The following GARRE1 variants were observed in gnomAD, a reference collection of about 807,000 sequenced individuals.
The protein encoded by GARRE1 is granule associated Rac and RHOG effector 1.
A neutral mutation model predicts 103.2 loss-of-function variants in GARRE1; 49 were observed. That is an observed-to-expected ratio of 0.47 (90% CI 0.38 to 0.60). The LOEUF is 0.60. GARRE1 is among the 20% of genes least tolerant of loss of function. The probability of loss-of-function intolerance (pLI) is 0.00; values close to 1 mark genes in which losing one functional copy is unlikely to be tolerated. For synonymous variants in GARRE1, 505 were observed against 532.8 expected (o/e 0.95, Z 0.72); for missense variants, 1,199 against 1,370.5 (o/e 0.87, Z 1.98).
chr19:34,299,400 C>T (rs139327182), intron 1 of GARRE1, among the ~76,000 whole-genome samples: 12 of 152,266 alleles, frequency 7.9e-5, no homozygotes, highest in East Asian at 3.9e-4. Context: ...AAATGCTGAA[C>T]GTGGATCCAG....
At chr19:34,331,788 G>A (rs1487987112) in intron 7 of GARRE1, among the ~76,000 whole-genome samples, 3 of 152,152 alleles carry the variant, frequency 2.0e-5, no homozygotes, top group Non-Finnish European at 4.4e-5. Context: ...GAGGTCAGGA[G>A]TTCAAGACCA....
In GARRE1 at chr19:34,300,896, G is replaced by T; in HGVS notation, c.423G>T (p.Lys141Asn). Residue 141 changes from lysine to asparagine, a missense_variant, in exon 2 of 14, where the codon AAG becomes AAT. Lys to Asn is a moderately conservative substitution (Grantham distance 94). Transcript: ENST00000299505. The part of the protein sequence containing the change: ...LTSAIKPEIA[K>N]MLMELSAGAA... ...CGGCCATAAAGCCTGAGATCGCCAA[G>T]ATGCTAATGGAACTTAGTGCTGGGG... 1 of 1,610,266 alleles carries T rather than the reference G, an allele frequency of 6.2e-7. No homozygotes were observed. Among genetic ancestry groups the T allele is most frequent in the Non-Finnish European group, 8.5e-7 (1 of 1,180,024 alleles).
At chr19:34,296,102 T>G (rs757909082) in intron 1 of GARRE1, among the ~76,000 whole-genome samples, 1 of 152,102 alleles carries the variant, frequency 6.6e-6, no homozygotes, top group Non-Finnish European at 1.5e-5. Context: ...AATATTACTT[T>G]TACAACATTT....
chr19:34,297,844 A>C (rs2073955445), intron 1 of GARRE1, among the ~76,000 whole-genome samples: 1 of 152,172 alleles, frequency 6.6e-6, no homozygotes, highest in African/African-American at 2.4e-5. Context: ...ATTTTTTTTA[A>C]AGAGCTCAAA....
intron 1 of GARRE1, among the ~76,000 whole-genome samples, chr19:34,269,251 G>A (rs933752297): frequency 1.3e-5 from 2 of 152,202 alleles, no homozygotes; most frequent in African/African-American, 2.4e-5. Context: ...GGATCACCAC[G>A]TGGAAGCAGG....
intron 1 of GARRE1, among the ~76,000 whole-genome samples, chr19:34,263,224 A>G (rs1317096695): frequency 3.3e-5 from 5 of 151,388 alleles, no homozygotes; most frequent in Admixed American, 6.6e-5. Flanking sequence ...AAAAATAAAT[A>G]AATAAAAATA....
chr19:34,309,024 A>T (rs2074024593), intron 2 of GARRE1, among the ~76,000 whole-genome samples: 1 of 152,112 alleles, frequency 6.6e-6, no homozygotes, highest in South Asian at 2.1e-4. Flanking sequence ...GATGTGCTGC[A>T]GCAAGAACCG....
At chr19:34,338,460 C>T (rs1411236050) in intron 8 of GARRE1, among the ~76,000 whole-genome samples, 1 of 152,100 alleles carries the variant, frequency 6.6e-6, no homozygotes, top group Non-Finnish European at 1.5e-5. Context: ...TCGCTTGAGC[C>T]CAGGAGGTCG....
intron 2 of GARRE1, among the ~76,000 whole-genome samples, chr19:34,301,441 G>C (rs1483141077): frequency 1.4e-5 from 2 of 147,884 alleles, no homozygotes; most frequent in African/African-American, 5.0e-5. Flanking sequence ...TTGAGCCCAG[G>C]AGTTTGAGGC....
chr19:34,349,092 G>A lies in GARRE1; in HGVS notation c.2764G>A (p.Gly922Arg), dbSNP rs569731049. 29 of 1,612,802 alleles carry A rather than the reference G, an allele frequency of 1.8e-5. No homozygotes were observed. The East Asian group carries it at 4.5e-4, about 25-fold the overall frequency. ...SSSDETSSAN[G>R]DSLFSMFSGP... ...GAGTGATGAGACATCCTCAGCCAAC[G>A]GGGACAGCTTGTTCTCCATGTTTTC... is the stretch of plus-strand genomic sequence containing the variant. The change falls in exon 12 of 14, where the codon GGG becomes AGG. Residue 922 changes from glycine to arginine, a missense_variant. Coordinates refer to ENST00000299505, the MANE Select transcript of GARRE1 (RefSeq NM_014686.5).
intron 1 of GARRE1, among the ~76,000 whole-genome samples, chr19:34,271,193 G>A (rs2073784932): frequency 6.6e-6 from 1 of 150,406 alleles, no homozygotes; most frequent in South Asian, 2.1e-4. Context: ...CTTAGAGTAT[G>A]CTGTGCTCTA....
At position 34,300,589 on chromosome 19, in the gene GARRE1, G is replaced by A. The variant is rs371396471; in HGVS notation, c.116G>A (p.Arg39Gln). Residue 39 changes from arginine (R) to glutamine (Q), a missense_variant, in exon 2 of 14, where the codon CGA becomes CAA. Arg to Gln is a conservative substitution (Grantham distance 43, BLOSUM62 1). Transcript: ENST00000299505. The stretch of plus-strand genomic sequence containing the variant: ...CAATACCCGATGCCTGAGCTGGGCC[G>A]AGCACTGAGTGCTCCCCTGGCATCC... The part of the protein sequence containing the change: ...HQQYPMPELG[R>Q]ALSAPLASTA... 1.3e-4 allele frequency: 212 copies of A among 1,613,260 alleles called. No homozygotes were observed. The highest frequency in any genetic ancestry group is 5.7e-4 in the African/African-American group (43 of 74,942).
In GARRE1 at chr19:34,335,544, G is replaced by A. The variant is rs2074156958; in HGVS notation, c.1361+1743G>A. 2.0e-5 allele frequency among the ~76,000 whole-genome samples: 3 copies of A among 152,008 alleles called. No individual in the cohort carries two copies. In the South Asian group the frequency reaches 6.2e-4, roughly 32 times the overall value. ...TTTAAACCATTTGTTCTTTTTTTTC[G>A]AGACAGAATCTCGGTCTGTCGCCCA... On this transcript the variant is annotated intron_variant, in intron 8 of 13. Coordinates refer to ENST00000299505, the MANE Select transcript of GARRE1 (RefSeq NM_014686.5).
intron 1 of GARRE1, 114 bp downstream of exon 1, chr19:34,254,728 G>C (rs1372034719): frequency 6.8e-6 from 1 of 147,592 alleles, no homozygotes; most frequent in Non-Finnish European, 1.5e-5. Flanking sequence ...ACGGGCCCGC[G>C]GGGCGCCGCT....
intron 1 of GARRE1, among the ~76,000 whole-genome samples, chr19:34,262,369 C>G (rs1167452137): frequency 7.1e-6 from 1 of 140,518 alleles, no homozygotes; most frequent in Non-Finnish European, 1.5e-5. Context: ...GATCTCAGCT[C>G]ATTGCAACCT....
At chr19:34,348,829 A>G in intron 11 of GARRE1, 187 bp from the exon 12 acceptor site, 1 of 635,506 alleles carries the variant, frequency 1.6e-6, no homozygotes, top group Non-Finnish European at 2.7e-6. Flanking sequence ...AATAAAGGGA[A>G]TTGATGAATA....
intron 1 of GARRE1, among the ~76,000 whole-genome samples, chr19:34,286,164 CAAACA>C (rs1885533591): frequency 6.6e-6 from 1 of 152,108 alleles, no homozygotes; most frequent in Admixed American, 6.6e-5. Flanking sequence ...AACAAACAAA[CAAACA>C]AAACAAAACA....
intron 1 of GARRE1, among the ~76,000 whole-genome samples, chr19:34,259,826 T>C (rs2073704358): frequency 6.6e-6 from 1 of 152,194 alleles, no homozygotes; most frequent in Admixed American, 6.5e-5. Context: ...GGAGGTAATT[T>C]AATCATATGA....
chr19:34,256,091 G>A (rs1245241792), intron 1 of GARRE1, among the ~76,000 whole-genome samples: 1 of 151,788 alleles, frequency 6.6e-6, no homozygotes, highest in African/African-American at 2.4e-5. Flanking sequence ...CGCCTGGCTC[G>A]GCGTTCCAAA....
Sources: allele counts gnomAD v4.1 joint callset (sites outside exome capture counted in the v4.1 genomes callset), GRCh38; gene constraint gnomAD v4.1.1; transcripts MANE v1.5; gene names NCBI Gene and HGNC (gene_info 2026-07-23, HGNC 2026-07-21).